Variants in TMEM108 observed in about 807,000 individuals in gnomAD.
The protein encoded by TMEM108 is transmembrane protein 108.
TMEM108 carries 12 observed loss-of-function variants against 35.1 expected under a neutral mutation model. That is an observed-to-expected ratio of 0.34 (90% CI 0.22 to 0.55). The LOEUF (loss-of-function observed/expected upper bound fraction) is 0.55, where lower values mean the gene tolerates loss of function less well. Ranked by LOEUF, TMEM108 falls within the 20% of genes least tolerant of loss-of-function variation. TMEM108 has a pLI of 0.89. For synonymous variants in TMEM108, 287 were observed against 308.6 expected (o/e 0.93, Z 0.73); for missense variants, 680 against 753.3 (o/e 0.90, Z 1.14).
chr3:133,238,418 A>C (rs1228980983), intron 3 of TMEM108, among the ~76,000 whole-genome samples: 14 of 152,236 alleles, frequency 9.2e-5, no homozygotes, highest in African/African-American at 1.2e-4. Context: ...AACCACTAAA[A>C]AAGACAAAAC....
intron 3 of TMEM108, among the ~76,000 whole-genome samples, chr3:133,261,885 G>C (rs904108641): frequency 6.6e-6 from 1 of 152,168 alleles, no homozygotes; most frequent in African/African-American, 2.4e-5. Flanking sequence ...AAGCTGGTGT[G>C]GAAAACCATG....
chr3:133,183,365 C>T (rs1243645010), intron 2 of TMEM108, among the ~76,000 whole-genome samples: 1 of 151,950 alleles, frequency 6.6e-6, no homozygotes, highest in Non-Finnish European at 1.5e-5. Flanking sequence ...CTTAGTACTC[C>T]AGCGTAGGAG....
intron 2 of TMEM108, among the ~76,000 whole-genome samples, chr3:133,141,072 C>G (rs1944634542): frequency 6.6e-6 from 1 of 152,090 alleles, no homozygotes; most frequent in African/African-American, 2.4e-5. Flanking sequence ...TTTTGTGAAT[C>G]TAAATTATTA....
Position 133,379,817 on chromosome 3 carries a change from G to A in TMEM108, c.106G>A (p.Glu36Lys), listed in dbSNP as rs149345637. Residue 36 changes from glutamate (E) to lysine (K), a missense_variant, in exon 4 of 6, where the codon GAA becomes AAA. Physicochemically the swap from Glu to Lys is moderately conservative, Grantham distance 56 (BLOSUM62 1). Coordinates refer to ENST00000321871, the MANE Select transcript of TMEM108 (RefSeq NM_023943.4). ...AFAIQEPSPRESLQVLPSGTP... is the reference protein window; with the variant it reads ...AFAIQEPSPRKSLQVLPSGTP... Reference sequence around the variant, plus strand: ...TGCCATCCAGGAACCATCTCCCAGGGAATCTCTTCAGGTCCTCCCTTCAGG... The same window carrying A: ...TGCCATCCAGGAACCATCTCCCAGGAAATCTCTTCAGGTCCTCCCTTCAGG... 6.2e-7 allele frequency: 1 copy of A among 1,613,906 alleles called. No individual in the cohort carries two copies. Among genetic ancestry groups the A allele is most frequent in the Non-Finnish European group, 8.5e-7 (1 of 1,179,906 alleles).
chr3:133,066,190 T>C (rs1943604876), intron 2 of TMEM108, among the ~76,000 whole-genome samples: 1 of 152,176 alleles, frequency 6.6e-6, no homozygotes, highest in Non-Finnish European at 1.5e-5. Context: ...GCTTGGAATT[T>C]AATTGGTGTT....
At chr3:133,237,515 C>T (rs1186024041) in intron 3 of TMEM108, among the ~76,000 whole-genome samples, 2 of 152,134 alleles carry the variant, frequency 1.3e-5, no homozygotes, top group Non-Finnish European at 2.9e-5. Context: ...GATAATCTTT[C>T]CATGGCTTTG....
intron 2 of TMEM108, among the ~76,000 whole-genome samples, chr3:133,062,656 C>T (rs1452251511): frequency 6.6e-6 from 1 of 152,138 alleles, no homozygotes; most frequent in Admixed American, 6.5e-5. Context: ...GGTGATGTTA[C>T]TTAATGTCAG....
chr3:133,058,609 G>A (rs1943501171), intron 2 of TMEM108, among the ~76,000 whole-genome samples: 1 of 152,352 alleles, frequency 6.6e-6, no homozygotes, highest in Admixed American at 6.5e-5. Flanking sequence ...ACGCACTTGA[G>A]GGGTGAGAGG....
intron 2 of TMEM108, among the ~76,000 whole-genome samples, chr3:133,177,268 C>G (rs1167905785): frequency 6.6e-6 from 1 of 152,094 alleles, no homozygotes; most frequent in African/African-American, 2.4e-5. Context: ...CCTTCTGAAA[C>G]TATTCCAATC....
chr3:133,395,899 C>G lies in TMEM108; in HGVS notation c.1641C>G (p.Gly547=). ...CAGAGCCCCGCTCCCCAGCCAATGG[C>G]GACTATAGAGACACTGGGATGGTCC... ...QLSEPRSPAN[G]DYRDTGMVLV... Residue 547 remains glycine, a synonymous_variant, in exon 6 of 6, where the codon GGC becomes GGG. Transcript: ENST00000321871. 6.3e-7 allele frequency: 1 copy of G among 1,597,060 alleles called. No homozygotes were observed. The highest frequency in any genetic ancestry group is 8.5e-7 in the Non-Finnish European group (1 of 1,172,214).
chr3:133,092,654 C>T (rs1237018483), intron 2 of TMEM108, among the ~76,000 whole-genome samples: 2 of 152,028 alleles, frequency 1.3e-5, no homozygotes, highest in African/African-American at 2.4e-5. Context: ...AAAATATTTT[C>T]CTAATTCATG....
chr3:133,349,276 T>A (rs1276413918), intron 3 of TMEM108, among the ~76,000 whole-genome samples: 1 of 152,070 alleles, frequency 6.6e-6, no homozygotes, highest in African/African-American at 2.4e-5. Context: ...AAATCTAGGG[T>A]TGAATGCTGG....
intron 5 of TMEM108, among the ~76,000 whole-genome samples, chr3:133,390,774 T>C (rs1220399197): frequency 1.3e-5 from 2 of 152,084 alleles, no homozygotes; most frequent in Non-Finnish European, 2.9e-5. Flanking sequence ...GACAAAGAGC[T>C]GTGGAAACCC....
chr3:133,177,805 C>G (rs1195235286), intron 2 of TMEM108, among the ~76,000 whole-genome samples: 1 of 152,078 alleles, frequency 6.6e-6, no homozygotes, highest in Non-Finnish European at 1.5e-5. Context: ...GTTGGAAGTT[C>G]TGGCCAGGGC....
intron 3 of TMEM108, among the ~76,000 whole-genome samples, chr3:133,260,690 A>G (rs1444200661): frequency 6.6e-6 from 1 of 152,156 alleles, no homozygotes; most frequent in African/African-American, 2.4e-5. Context: ...AAATAACATG[A>G]TATTCTTTAT....
chr3:133,217,050 G>C (rs993484548), intron 2 of TMEM108, among the ~76,000 whole-genome samples: 5 of 152,064 alleles, frequency 3.3e-5, no homozygotes, highest in Admixed American at 3.3e-4. Flanking sequence ...CCGATCAACA[G>C]TGTGCAAGAG....
intron 4 of TMEM108, chr3:133,388,071 G>A: frequency 1.0e-6 from 1 of 985,446 alleles, no homozygotes; most frequent in Non-Finnish European, 1.2e-6. Context: ...TAACTGAAGA[G>A]CTGTTCTGTT....
intron 2 of TMEM108, among the ~76,000 whole-genome samples, chr3:133,151,554 C>T (rs1944801075): frequency 6.6e-6 from 1 of 151,920 alleles, no homozygotes; most frequent in Non-Finnish European, 1.5e-5. Flanking sequence ...AAGAAGAAGA[C>T]TCTTCTTCTT....
rs184860976 is a variant in TMEM108, at chr3:133,290,472, T to G, written c.40+61121T>G. Among the ~76,000 whole-genome samples the G allele has an allele frequency of 2.9e-3, 442 of 151,906 alleles. 3 individuals are homozygous for G. Among genetic ancestry groups the G allele is most frequent in the African/African-American group, 0.01 (430 of 41,394 alleles). On this transcript the variant is annotated intron_variant, in intron 3 of 5. Transcript: ENST00000321871. ...CCCAGCTCTACTAAAAATACAAAAC[T>G]TAGCTGGGCATGGTGGTGCACTCCT...
Sources: allele counts gnomAD v4.1 joint callset (sites outside exome capture counted in the v4.1 genomes callset), GRCh38; gene constraint gnomAD v4.1.1; transcripts MANE v1.5; gene names NCBI Gene and HGNC (gene_info 2026-07-23, HGNC 2026-07-21).